The following MAGI1 variants were observed in gnomAD, a reference collection of about 807,000 sequenced individuals.
MAGI1 encodes the protein membrane-associated guanylate kinase, WW and PDZ domain-containing protein 1.
Under a neutral mutation model 139.9 loss-of-function variants are expected in MAGI1, and 58 were observed. The ratio of observed to expected loss-of-function variants is 0.41; its 90% confidence interval spans 0.34 to 0.52. MAGI1 has a LOEUF of 0.52. Among genes scored for constraint, MAGI1 ranks in the 20% least tolerant of loss-of-function variants. The probability of loss-of-function intolerance (pLI) is 0.12; values close to 1 mark genes in which losing one functional copy is unlikely to be tolerated. For synonymous variants in MAGI1, 812 were observed against 737.9 expected, an observed-to-expected ratio of 1.10 and a Z score of -1.63; for missense variants, 1,874 against 1,901.6, an observed-to-expected ratio of 0.99 and a Z score of 0.27.
chr3:65,777,060 A>G (rs1194959490), intron 1 of MAGI1, among the ~76,000 whole-genome samples: 1 of 152,242 alleles, frequency 6.6e-6, no homozygotes, highest in African/African-American at 2.4e-5. Flanking sequence ...GGCTGTGGGT[A>G]GATGGACTGT....
intron 1 of MAGI1, among the ~76,000 whole-genome samples, chr3:65,806,164 C>G (rs2040841115): frequency 6.6e-6 from 1 of 152,068 alleles, no homozygotes; most frequent in African/African-American, 2.4e-5. Flanking sequence ...GGCACGGTGG[C>G]TCATGCCTGT....
At chr3:65,860,177 T>C (rs1367973393) in intron 1 of MAGI1, among the ~76,000 whole-genome samples, 5 of 152,140 alleles carry the variant, frequency 3.3e-5, no homozygotes, top group Non-Finnish European at 7.3e-5. Context: ...ATTACAGGTG[T>C]CAGCCACCGC....
chr3:65,378,043 C>T (rs1352637498), intron 17 of MAGI1, among the ~76,000 whole-genome samples: 5 of 152,184 alleles, frequency 3.3e-5, no homozygotes, highest in African/African-American at 1.2e-4. Context: ...GCCTGCACAG[C>T]CCTTCCCCTT....
At chr3:65,997,463 T>C (rs1263572724) in intron 1 of MAGI1, among the ~76,000 whole-genome samples, 1 of 152,066 alleles carries the variant, frequency 6.6e-6, no homozygotes, top group Non-Finnish European at 1.5e-5. Flanking sequence ...AAGACCTTCC[T>C]GGCCAACATG....
intron 2 of MAGI1, among the ~76,000 whole-genome samples, chr3:65,523,331 G>C (rs1319167432): frequency 6.6e-6 from 1 of 151,782 alleles, no homozygotes; most frequent in Non-Finnish European, 1.5e-5. Context: ...AAGTTCAACA[G>C]AGGGTTACTG....
chr3:65,916,343 C>T (rs1034234321), intron 1 of MAGI1, among the ~76,000 whole-genome samples: 1 of 152,080 alleles, frequency 6.6e-6, no homozygotes, highest in Non-Finnish European at 1.5e-5. Context: ...AGTCTGTTCT[C>T]ATGCTGCTTG....
intron 2 of MAGI1, among the ~76,000 whole-genome samples, chr3:65,607,173 C>T (rs2082785568): frequency 6.6e-6 from 1 of 151,284 alleles, no homozygotes; most frequent in Admixed American, 6.6e-5. Flanking sequence ...TAATCCCCAA[C>T]ACTCATGAAT....
chr3:65,902,191 G>C (rs1200754375), intron 1 of MAGI1, among the ~76,000 whole-genome samples: 1 of 152,142 alleles, frequency 6.6e-6, no homozygotes, highest in Non-Finnish European at 1.5e-5. Flanking sequence ...ATACGAGGGA[G>C]ACAAACAAGC....
chr3:65,442,695 GTTTGTGCC>G (rs1948427079), intron 8 of MAGI1, 89 bp downstream of exon 8: 3 of 763,446 alleles, frequency 3.9e-6, no homozygotes, highest in Non-Finnish European at 6.5e-6. Flanking sequence ...TTGTTAATTG[GTTTGTGCC>G]TTATAATGAT....
intron 14 of MAGI1, among the ~76,000 whole-genome samples, chr3:65,388,881 G>A (rs918874391): frequency 5.2e-5 from 6 of 115,596 alleles, no homozygotes; most frequent in African/African-American, 1.0e-4. Flanking sequence ...TCGCTCTGTC[G>A]CCCAGGCTGG....
chr3:65,902,982 C>T (rs71306790), intron 1 of MAGI1, among the ~76,000 whole-genome samples: 2,677 of 152,192 alleles, frequency 0.018, 41 homozygotes, highest in Non-Finnish European at 0.03. Context: ...GTTCTCAGCT[C>T]AAAGTCTTTT....
At chr3:65,585,515 T>A (rs879803129) in intron 2 of MAGI1, among the ~76,000 whole-genome samples, 4 of 152,200 alleles carry the variant, frequency 2.6e-5, no homozygotes, top group Non-Finnish European at 4.4e-5. Context: ...TTAATTTTAA[T>A]ACCAAGGGCA....
intron 1 of MAGI1, among the ~76,000 whole-genome samples, chr3:65,852,204 T>G (rs1266475392): frequency 6.6e-6 from 1 of 152,140 alleles, no homozygotes; most frequent in East Asian, 1.9e-4. Flanking sequence ...GAAGAAATCC[T>G]TGCCAAGGTT....
chr3:65,686,835 G>A (rs760002388), intron 1 of MAGI1, among the ~76,000 whole-genome samples: 1 of 152,182 alleles, frequency 6.6e-6, no homozygotes. Flanking sequence ...ACTAAACCAT[G>A]TAAATTTAGA....
chr3:65,783,259 C>T lies in MAGI1; in HGVS notation c.314-161171G>A, dbSNP rs116751104. Among the ~76,000 whole-genome samples the T allele has an allele frequency of 6.2e-3, 938 of 152,180 alleles. 15 individuals carry two copies. The highest frequency in any genetic ancestry group is 0.021 in the African/African-American group (872 of 41,514). On this transcript the variant is annotated intron_variant, in intron 1 of 22. Transcript: ENST00000402939. ...AGAAGGCATACAAGGGACCAATAAG[C>T]TCAGAAGCACATGCTCAGCATCATT... is the stretch of plus-strand genomic sequence containing the variant.
intron 2 of MAGI1, among the ~76,000 whole-genome samples, chr3:65,588,420 A>T (rs947191066): frequency 6.6e-5 from 10 of 152,182 alleles, no homozygotes; most frequent in African/African-American, 2.4e-4. Context: ...ATCAACACTG[A>T]CCAAAGATGA....
chr3:65,374,196 A>G (rs1380717448), intron 18 of MAGI1, among the ~76,000 whole-genome samples: 1 of 151,996 alleles, frequency 6.6e-6, no homozygotes, highest in Non-Finnish European at 1.5e-5. Context: ...ACATTTAAAC[A>G]TTTTGGGACA....
chr3:66,019,375 C>A (rs955522630), intron 1 of MAGI1, among the ~76,000 whole-genome samples: 4 of 152,128 alleles, frequency 2.6e-5, no homozygotes, highest in Non-Finnish European at 5.9e-5. Context: ...GTGGCACTTC[C>A]CAGATGTAAC....
Position 65,953,301 on chromosome 3 carries a change from A to C in MAGI1, c.313+84695T>G, listed in dbSNP as rs142924053. ...ACAGGCAGATTTCCAGACGAAACCAAAGGCCTTCATGAGGAAAAACAAAGC... is the reference window on the plus strand; with the variant it reads ...ACAGGCAGATTTCCAGACGAAACCACAGGCCTTCATGAGGAAAAACAAAGC... On this transcript the variant is annotated intron_variant, in intron 1 of 22. Transcript: ENST00000402939. Among the ~76,000 whole-genome samples the C allele has an allele frequency of 3.1e-4, 47 of 152,292 alleles. No individual in the cohort carries two copies. The South Asian group carries it at 5.2e-3, about 17-fold the overall frequency.
Sources: gnomAD v4.1 joint callset for allele counts (sites outside exome capture counted in the v4.1 genomes callset) on GRCh38, gnomAD v4.1.1 for gene constraint, MANE v1.5 for transcripts, NCBI Gene and HGNC (gene_info 2026-07-23, HGNC 2026-07-21) for gene names.